Variants in IL16 observed in about 807,000 individuals in gnomAD.
IL16 encodes pro-interleukin-16.
IL16 carries 67 observed loss-of-function variants against 110.1 expected under a neutral mutation model. That is an observed-to-expected ratio of 0.61 (90% CI 0.50 to 0.75). The LOEUF (loss-of-function observed/expected upper bound fraction) is 0.75. IL16 is among the 30% of genes least tolerant of loss of function. The pLI, the probability that IL16 is intolerant of heterozygous loss-of-function variation, is 0.00. For synonymous variants in IL16, 689 were observed against 662.9 expected, an observed-to-expected ratio of 1.04 and a Z score of -0.61; for missense variants, 1,545 against 1,655.0, an observed-to-expected ratio of 0.93 and a Z score of 1.15.
In IL16 at chr15:81,278,878, G is replaced by C. The variant is rs1156928273; in HGVS notation, c.852G>C (p.Leu284Phe). ...CTGGACTAACACATCAGGATGCTTTGCAGAAGTTCAAGGTGACCATTTCTT... is the reference window on the plus strand; with the variant it reads ...CTGGACTAACACATCAGGATGCTTTCCAGAAGTTCAAGGTGACCATTTCTT... Reference protein sequence around the residue: ...SMAGLTHQDALQKFKQAKKGL... With the variant: ...SMAGLTHQDAFQKFKQAKKGL... The change falls in exon 7 of 19, where the codon TTG becomes TTC. Residue 284 changes from leucine to phenylalanine, a missense_variant. Physicochemically the swap from Leu to Phe is conservative, Grantham distance 22. Coordinates refer to ENST00000683961, the MANE Select transcript of IL16 (RefSeq NM_172217.5). 6.2e-7 allele frequency: 1 copy of C among 1,612,280 alleles called. No individual in the cohort carries two copies. Among genetic ancestry groups the C allele is most frequent in the Non-Finnish European group, 8.5e-7 (1 of 1,178,258 alleles).
intron 4 of IL16, among the ~76,000 whole-genome samples, chr15:81,268,286 T>C (rs1236571941): frequency 6.6e-6 from 1 of 151,138 alleles, no homozygotes; most frequent in African/African-American, 2.5e-5. Context: ...AAAGAAAACA[T>C]GCATTCCATG....
intron 1 of IL16, among the ~76,000 whole-genome samples, chr15:81,202,238 G>C (rs887711624): frequency 3.9e-5 from 6 of 152,170 alleles, no homozygotes; most frequent in Non-Finnish European, 7.3e-5. Context: ...AGGGAGCTTA[G>C]AGTTCAGTAG....
intron 14 of IL16, 100 bp from the exon 15 acceptor site, chr15:81,301,241 CATA>C: frequency 2.1e-6 from 2 of 956,608 alleles, no homozygotes; most frequent in Non-Finnish European, 3.1e-6. Flanking sequence ...ATAATATGCA[CATA>C]AGTGCTTGGC....
rs772584232 is a variant in IL16 at position 81,225,347 on chromosome 15, C to T, written c.-53C>T. The T allele has an allele frequency of 6.3e-7, 1 of 1,592,014 alleles. No individual in the cohort carries two copies. The highest frequency in any genetic ancestry group is 1.3e-5 in the African/African-American group (1 of 74,574). On this transcript the variant is annotated 5_prime_UTR_variant, in exon 2 of 19. The change creates a premature stop within an existing upstream ORF in the 5' untranslated region. Coordinates refer to ENST00000683961, the MANE Select transcript of IL16 (RefSeq NM_172217.5). ...CCCTGTCCAGTGGCCACCCGTCAGC[C>T]AAGGGCCAGAGACCAGGAAAGGAAG... is the stretch of plus-strand genomic sequence containing the variant.
chr15:81,292,769 G>C lies in IL16; in HGVS notation c.1634G>C (p.Ser545Thr). 1 of 1,614,168 alleles carries C rather than the reference G, an allele frequency of 6.2e-7. No individual in the cohort carries two copies. The highest frequency in any genetic ancestry group is 2.2e-5 in the East Asian group (1 of 44,884). Residue 545 changes from serine (S) to threonine (T), a missense_variant, in exon 12 of 19, where the codon AGC becomes ACC. By Grantham distance (58) the Ser-to-Thr change is moderately conservative. This residue lies in a region of IL16 where 1,185 missense variants were observed against 1,238.8 expected (regional missense o/e 0.96). Coordinates refer to ENST00000683961, the MANE Select transcript of IL16 (RefSeq NM_172217.5). ...GTGGACATCAGCACACACAGCCCCA[G>C]CTTGCCTCTGGCACGGGAGCCAGTG... ...SDVDISTHSP[S>T]LPLAREPVVL...
At chr15:81,206,137 A>G (rs979856207) in intron 1 of IL16, among the ~76,000 whole-genome samples, 3 of 152,258 alleles carry the variant, frequency 2.0e-5, no homozygotes, top group Admixed American at 2.0e-4. Flanking sequence ...ACAAAATTGA[A>G]TATGTGCTTA....
chr15:81,273,006 C>G (rs1898715637), intron 5 of IL16, 84 bp from the exon 6 acceptor site: 8 of 1,057,120 alleles, frequency 7.6e-6, no homozygotes, highest in Middle Eastern at 4.4e-4. Flanking sequence ...TTGTTCAGGG[C>G]TGAGGCAGGC....
intron 6 of IL16, among the ~76,000 whole-genome samples, chr15:81,277,306 A>G (rs1381702466): frequency 6.6e-6 from 1 of 152,238 alleles, no homozygotes; most frequent in Non-Finnish European, 1.5e-5. Context: ...GTATGCAAAA[A>G]GATAGTGGCT....
chr15:81,235,786 A>G (rs1337301258), intron 2 of IL16, among the ~76,000 whole-genome samples: 1 of 152,180 alleles, frequency 6.6e-6, no homozygotes, highest in Non-Finnish European at 1.5e-5. Flanking sequence ...CATTATACCC[A>G]TAAAAGGGTA....
At chr15:81,244,949 T>G (rs933754818) in intron 2 of IL16, among the ~76,000 whole-genome samples, 27 of 152,306 alleles carry the variant, frequency 1.8e-4, no homozygotes, top group Admixed American at 4.6e-4. Flanking sequence ...GTCCCCTGAG[T>G]TCATTCCTTT....
intron 4 of IL16, among the ~76,000 whole-genome samples, chr15:81,268,425 T>C (rs1898489753): frequency 1.3e-5 from 2 of 152,224 alleles, no homozygotes; most frequent in Admixed American, 6.5e-5. Flanking sequence ...TGAGAGAAGT[T>C]AAGTGGCCTT....
Position 81,285,198 on chromosome 15 carries a change from G to T in IL16, c.1200-500G>T, listed in dbSNP as rs762603862. Among the ~76,000 whole-genome samples the T allele has an allele frequency of 1.3e-5, 2 of 151,922 alleles. 1 individual carries two copies. Among genetic ancestry groups the T allele is most frequent in the Non-Finnish European group, 2.9e-5 (2 of 68,016 alleles). The stretch of plus-strand genomic sequence containing the variant: ...CAAGAATCTCAACTGCTCTCCTGTT[G>T]AGTTATTTTTTCTCTGCCTTTTAGC... On this transcript the variant is annotated intron_variant, in intron 9 of 18. Coordinates refer to ENST00000683961, the MANE Select transcript of IL16 (RefSeq NM_172217.5).
intron 2 of IL16, among the ~76,000 whole-genome samples, chr15:81,235,526 C>T (rs185838902): frequency 2.0e-4 from 30 of 152,300 alleles, no homozygotes; most frequent in Admixed American, 2.0e-3. Flanking sequence ...ACTAGGCCCC[C>T]CCTCCAACAC....
At chr15:81,305,657 A>AT in intron 16 of IL16, 21 of 488,578 alleles carry the variant, frequency 4.3e-5, no homozygotes, top group South Asian at 1.2e-4. Flanking sequence ...GTGGTGGTAC[A>AT]CTATAGGACG....
At chr15:81,259,916 C>A in intron 3 of IL16, 36 bp downstream of exon 3, 3 of 1,287,592 alleles carry the variant, frequency 2.3e-6, no homozygotes, top group Non-Finnish European at 3.4e-6. Flanking sequence ...AGGAACAGAG[C>A]TCAGCTGTTC....
chr15:81,295,588 T>C (rs577758581), intron 12 of IL16: 3 of 1,002,434 alleles, frequency 3.0e-6, no homozygotes, highest in African/African-American at 1.7e-5. Flanking sequence ...ATCAGGCCAA[T>C]ATTTGGAGCT....
At chr15:81,232,042 G>GTTTTTTTGTTTTTTTTTTTTTTT (rs1897008513) in intron 2 of IL16, among the ~76,000 whole-genome samples, 10 of 57,692 alleles carry the variant, frequency 1.7e-4, no homozygotes, top group Admixed American at 2.4e-4. Context: ...ATTTGTTCTT[G>GTTTTTTTGTTTTTTTTTTTTTTT]TTTTTTTTTT....
chr15:81,200,679 G>T (rs1190460356), intron 1 of IL16, among the ~76,000 whole-genome samples: 1 of 152,130 alleles, frequency 6.6e-6, no homozygotes, highest in Non-Finnish European at 1.5e-5. Flanking sequence ...CCTAGGTCAA[G>T]ATTTTAAAAG....
At chr15:81,295,775 T>C (rs1372421724) in intron 12 of IL16, among the ~76,000 whole-genome samples, 1 of 152,226 alleles carries the variant, frequency 6.6e-6, no homozygotes, top group Non-Finnish European at 1.5e-5. Context: ...TTTGTAGACC[T>C]TTGCTTCCTC....
Sources: gnomAD v4.1 joint callset for allele counts (sites outside exome capture counted in the v4.1 genomes callset) on GRCh38, gnomAD v4.1.1 for gene constraint, gnomAD v4.1.1 regional missense constraint, MANE v1.5 for transcripts, NCBI Gene and HGNC (gene_info 2026-07-23, HGNC 2026-07-21) for gene names.